SLC35A2: variants seen among roughly 807,000 people sequenced by gnomAD.
SLC35A2 encodes solute carrier family 35 member A2.
SLC35A2 carries 1 observed loss-of-function variant against 17.3 expected under a neutral mutation model. That is an observed-to-expected ratio of 0.06 (90% CI 0.02 to 0.27). The LOEUF (loss-of-function observed/expected upper bound fraction) is 0.27. Among genes scored for constraint, SLC35A2 ranks in the 10% least tolerant of loss-of-function variants. SLC35A2 has a pLI of 1.00. For missense variants in SLC35A2, 191 were observed against 339.3 expected, an observed-to-expected ratio of 0.56 and a Z score of 3.43; for synonymous variants, 161 against 161.3, an observed-to-expected ratio of 1.00 and a Z score of 0.01.
At position 48,904,839 on chromosome X, in the gene SLC35A2, CCGGAGG is replaced by C. The variant is rs782439562; in HGVS notation, c.1064_1069del (p.Ala355_Ser356del). The C allele has an allele frequency of 4.8e-5, 58 of 1,209,989 alleles. No individual in the cohort carries two copies. In the African/African-American group the frequency reaches 9.1e-4, roughly 19 times the overall value. ...GGGAGGCTGCTGGTGAACGCAGGGC[CCGGAGG>C]CGGAGGCAGAGGCAGAGGCTATGGC... On this transcript the variant is annotated inframe_deletion, in exon 4 of 5. Coordinates refer to ENST00000247138, the MANE Select transcript of SLC35A2 (RefSeq NM_005660.3).
At chrX:48,903,663 A>G in intron 4 of SLC35A2, 198 bp from the exon 5 acceptor site, 1 of 806,396 alleles carries the variant, frequency 1.2e-6, no homozygotes, top group Non-Finnish European at 1.7e-6. Context: ...ACATTTGTTC[A>G]TTACAGTTCC....
At chrX:48,906,237 TCA>T in intron 3 of SLC35A2, 153 bp downstream of exon 3, 2 of 514,649 alleles carry the variant, frequency 3.9e-6, no homozygotes, top group Admixed American at 3.1e-5. Context: ...CCCCCAATTT[TCA>T]CAGACGAGAA....
In SLC35A2 at chrX:48,904,814, G is replaced by A. The variant is rs1458590457; in HGVS notation, c.1095C>T (p.Pro365=). ...ASGPCVHQQP[P]GQPPPPQLSS... ...ACAGCTGCGGTGGTGGTGGCTGCCCGGGAGGCTGCTGGTGAACGCAGGGCC... is the reference window on the plus strand; with the variant it reads ...ACAGCTGCGGTGGTGGTGGCTGCCCAGGAGGCTGCTGGTGAACGCAGGGCC... The change falls in exon 4 of 5, where the codon CCC becomes CCT. Residue 365 remains proline, a synonymous_variant. Coordinates refer to ENST00000247138, the MANE Select transcript of SLC35A2 (RefSeq NM_005660.3). 8 of 1,209,641 alleles carry A rather than the reference G, an allele frequency of 6.6e-6. No individual in the cohort carries two copies. The highest frequency in any genetic ancestry group is 4.4e-5 in the Admixed American group (2 of 45,797).
intron 4 of SLC35A2, 45 bp from the exon 5 acceptor site, chrX:48,903,510 G>C (rs782686681): frequency 1.8e-6 from 1 of 567,657 alleles, no homozygotes; most frequent in South Asian, 2.3e-5. Flanking sequence ...AGCTGGGCTA[G>C]GCTGGCAGGC....
chrX:48,910,336 C>T (rs1299505854), intron 1 of SLC35A2: 4 of 1,066,522 alleles, frequency 3.8e-6, no homozygotes, highest in East Asian at 6.6e-5. Context: ...GAAAGAATAC[C>T]GACAACTACA....
At position 48,904,614 on chromosome X, in the gene SLC35A2, T is replaced by C. The variant is rs1343043800; in HGVS notation, c.1163+132A>G. ...CTCAGTGACCTGGGAGAAAAGACCA[T>C]CTCCCAAACCCAGAGGAGCCAGGCC... On this transcript the variant is annotated intron_variant, in intron 4 of 4. Coordinates refer to ENST00000247138, the MANE Select transcript of SLC35A2 (RefSeq NM_005660.3). 10 of 1,203,222 alleles carry C rather than the reference T, an allele frequency of 8.3e-6. No individual in the cohort carries two copies. Among genetic ancestry groups the C allele is most frequent in the Non-Finnish European group, 1.1e-5 (10 of 891,812 alleles).
intron 4 of SLC35A2, chrX:48,903,978 C>T (rs1236233216): frequency 4.0e-6 from 3 of 759,334 alleles, no homozygotes; most frequent in Non-Finnish European, 4.7e-6. Context: ...CTGACAGTGT[C>T]TTAAATACAA....
chrX:48,903,287 T>G lies in SLC35A2; in HGVS notation c.*151A>C. 1.4e-6 allele frequency: 1 copy of G among 721,526 alleles called. No individual in the cohort carries two copies. Among genetic ancestry groups the G allele is most frequent in the Non-Finnish European group, 2.1e-6 (1 of 466,777 alleles). The allele number at this position is 721,526 out of a possible 1,213,427, so 59.5% of individuals were successfully genotyped here. A position where few individuals can be genotyped will look rare whatever the true frequency, so the allele number is the denominator to read the frequency against. ...TGAGGTGGGTCATGAGAGAGCTTAG[T>G]CATGTTGGCCCTGGGTGGGGCAGGG... On this transcript the variant is annotated 3_prime_UTR_variant, in exon 5 of 5. Transcript: ENST00000247138.
intron 4 of SLC35A2, chrX:48,904,077 A>G: frequency 1.3e-6 from 1 of 762,258 alleles, no homozygotes; most frequent in East Asian, 1.5e-4. Context: ...AGTCCACTAA[A>G]AAAAACAAAT....
intron 4 of SLC35A2, 181 bp downstream of exon 4, chrX:48,904,565 C>G: frequency 7.6e-6 from 9 of 1,191,363 alleles, no homozygotes; most frequent in Non-Finnish European, 1.0e-5. Flanking sequence ...ACACCCAGCT[C>G]TAGTCCCACA....
upstream of SLC35A2, chrX:48,911,771 C>T (rs2063538335): frequency 2.6e-6 from 3 of 1,165,918 alleles, no homozygotes; most frequent in Non-Finnish European, 3.4e-6. Context: ...CTCCTCCGCT[C>T]CTAAAAGCTC....
In SLC35A2 at chrX:48,905,315, G is replaced by A. The variant is rs1012697477; in HGVS notation, c.594C>T (p.Asn198=). 106 of 1,186,145 alleles carry A rather than the reference G, an allele frequency of 8.9e-5. No homozygotes were observed. Among genetic ancestry groups the A allele is most frequent in the Non-Finnish European group, 1.1e-4 (94 of 882,800 alleles). The change falls in exon 4 of 5, where the codon AAC becomes AAT. Residue 198 remains asparagine (N), a synonymous_variant. Transcript: ENST00000247138. ...GGGGPRPLDQ[N]PGAGLAAVVA... is the part of the protein sequence containing the mutation. ...CGACGGCTGCCAGGCCTGCCCCAGG[G>A]TTCTGATCCAGTGGCCGTGGGCCTC...
Position 48,904,434 on chromosome X carries a change from A to G in SLC35A2, c.1163+312T>C, listed in dbSNP as rs911944288. 1.2e-5 allele frequency: 13 copies of G among 1,090,160 alleles called. No individual in the cohort carries two copies. The East Asian group carries it at 3.3e-4, about 28-fold the overall frequency. The allele number at this position is 1,090,160 out of a possible 1,213,427, so 89.8% of individuals were successfully genotyped here. ...AGGGTCGGGGAGGGAGCAGACAAAA[A>G]AAAGGCCTTGAATGACAATACCCCC... On this transcript the variant is annotated intron_variant, in intron 4 of 4. Transcript: ENST00000247138.
Position 48,909,818 on chromosome X carries a change from C to T in SLC35A2, c.270G>A (p.Lys90=). 1.7e-6 allele frequency: 2 copies of T among 1,207,239 alleles called. No homozygotes were observed. Among genetic ancestry groups the T allele is most frequent in the South Asian group, 1.8e-5 (1 of 56,080 alleles). Residue 90 remains lysine, a synonymous_variant, in exon 2 of 5, where the codon AAG becomes AAA. Coordinates refer to ENST00000247138, the MANE Select transcript of SLC35A2 (RefSeq NM_005660.3). ...AGCCCCATCCCTGGTTCGTACCCCT[C>T]TTCTGTGCGAAGAGCAGCAGCAGGC... The part of the protein sequence containing the change: ...LTCLLLLFAQ[K]RGNVKHLVLF...
At chrX:48,911,098 A>T (rs782237376) in intron 1 of SLC35A2, among the ~76,000 whole-genome samples, 1 of 110,205 alleles carries the variant, frequency 9.1e-6, no homozygotes, top group East Asian at 2.9e-4. Flanking sequence ...AGACACCCCC[A>T]TCCTCAAAAT....
rs2147500403 is a variant in SLC35A2 at position 48,911,578 on chromosome X, G to A, written c.59C>T (p.Ala20Val). The A allele has an allele frequency of 1.7e-6, 2 of 1,165,190 alleles. No individual in the cohort carries two copies. The highest frequency in any genetic ancestry group is 1.9e-5 in the South Asian group (1 of 53,041). The change falls in exon 1 of 5, where the codon GCG (alanine) becomes GTG (valine). Residue 20 changes from alanine to valine, a missense_variant. Ala to Val is a moderately conservative substitution (Grantham distance 64). Around this residue, in one of 2 missense-constraint regions of SLC35A2, gnomAD observed 27 missense variants for 24.0 expected, o/e 1.12. Coordinates refer to ENST00000247138, the MANE Select transcript of SLC35A2 (RefSeq NM_005660.3). The part of the protein sequence containing the change: ...TAAPGPGAVS[A>V]GALEPGTASA... ...GGCGGTCCCCGGCTCCAATGCACCC[G>A]CGGAAACCGCCCCTGGCCCGGGCGC...
intron 4 of SLC35A2, chrX:48,903,962 T>A (rs1183379451): frequency 1.3e-6 from 1 of 759,598 alleles, no homozygotes; most frequent in Non-Finnish European, 1.6e-6. Flanking sequence ...AGCCTACATC[T>A]GGCAACTGAC....
Position 48,903,205 on chromosome X carries a change from T to G in SLC35A2, c.*233A>C. 1 of 1,113,560 alleles carries G rather than the reference T, an allele frequency of 9.0e-7. No individual in the cohort carries two copies. Among genetic ancestry groups the G allele is most frequent in the Non-Finnish European group, 1.2e-6 (1 of 825,058 alleles). 91.8% of individuals were successfully genotyped at this position (1,113,560 alleles called of 1,213,427 possible). A position where few individuals can be genotyped will look rare whatever the true frequency, so the allele number is the denominator to read the frequency against. ...TCGGCAAGATACACAACACATTTTATTTGCAAAAACTCAGCTAAGAGATAG... is the reference window on the plus strand; with the variant it reads ...TCGGCAAGATACACAACACATTTTAGTTGCAAAAACTCAGCTAAGAGATAG... On this transcript the variant is annotated 3_prime_UTR_variant, in exon 5 of 5. Transcript: ENST00000247138.
rs1444030586 is a variant in SLC35A2, at chrX:48,909,380, AAAT to A, written c.274+431_274+433del. On this transcript the variant is annotated intron_variant, in intron 2 of 4. Coordinates refer to ENST00000247138, the MANE Select transcript of SLC35A2 (RefSeq NM_005660.3). ...ATTACTTCGTGTGGGATTTACTTAA[AAAT>A]AATAAGAGGATAAGGACGTAGGTAG... Among the ~76,000 whole-genome samples the A allele has an allele frequency of 2.7e-5, 3 of 113,046 alleles. No homozygotes were observed. In the Admixed American group the frequency reaches 2.8e-4, roughly 11 times the overall value.
Sources: allele counts gnomAD v4.1 joint callset (sites outside exome capture counted in the v4.1 genomes callset), GRCh38; gene constraint gnomAD v4.1.1; regional missense constraint gnomAD v4.1.1; transcripts MANE v1.5; gene names NCBI Gene and HGNC (gene_info 2026-07-23, HGNC 2026-07-21).